SLC35F4: variants seen among roughly 807,000 people sequenced by gnomAD.
The protein encoded by SLC35F4 is chromosome 14 open reading frame 36.
A neutral mutation model predicts 44.2 loss-of-function variants in SLC35F4; 24 were observed. The observed-to-expected ratio is 0.54, with a 90% confidence interval of 0.39 to 0.76. The LOEUF is 0.76. Among genes scored for constraint, SLC35F4 ranks in the 30% least tolerant of loss-of-function variants. The pLI is 0.00. For synonymous variants in SLC35F4, 238 were observed against 223.6 expected, an observed-to-expected ratio of 1.06 and a Z score of -0.57; for missense variants, 562 against 586.1, an observed-to-expected ratio of 0.96 and a Z score of 0.42.
At chr14:57,605,773 T>G (rs992960120) in intron 1 of SLC35F4, among the ~76,000 whole-genome samples, 2 of 151,048 alleles carry the variant, frequency 1.3e-5, no homozygotes, top group Non-Finnish European at 2.9e-5. Flanking sequence ...TGGAATATTA[T>G]ACAGCCACAA....
chr14:57,782,881 A>C (rs1646458656), intron 1 of SLC35F4, among the ~76,000 whole-genome samples: 1 of 152,206 alleles, frequency 6.6e-6, no homozygotes, highest in Admixed American at 6.5e-5. Flanking sequence ...GACATTACAA[A>C]AATAAAGTTG....
chr14:57,662,899 C>A (rs578148455), intron 1 of SLC35F4, among the ~76,000 whole-genome samples: 1 of 152,254 alleles, frequency 6.6e-6, no homozygotes, highest in African/African-American at 2.4e-5. Flanking sequence ...TGAAAGGAGA[C>A]TGGAGGCAAA....
At chr14:57,567,852 A>G (rs1508945) in intron 6 of SLC35F4, among the ~76,000 whole-genome samples, 3 of 152,174 alleles carry the variant, frequency 2.0e-5, no homozygotes, top group East Asian at 1.9e-4. Context: ...ATTTGGGCTA[A>G]CACATTTCCT....
At chr14:57,616,200 T>C (rs1326347364) in intron 1 of SLC35F4, among the ~76,000 whole-genome samples, 1 of 152,212 alleles carries the variant, frequency 6.6e-6, no homozygotes, top group Non-Finnish European at 1.5e-5. Context: ...TGAAACTTCA[T>C]ACCTATTCTC....
At chr14:57,982,617 A>G (rs1293415895), upstream of SLC35F4, among the ~76,000 whole-genome samples, 2 of 152,164 alleles carry the variant, frequency 1.3e-5, no homozygotes, top group Admixed American at 1.3e-4. Context: ...TTGGGAATGG[A>G]AAGAACATGG....
chr14:57,726,427 A>C (rs983892248), intron 1 of SLC35F4, among the ~76,000 whole-genome samples: 6 of 152,212 alleles, frequency 3.9e-5, no homozygotes, highest in African/African-American at 1.4e-4. Context: ...AAGGACTGCA[A>C]TTGTCATTAA....
chr14:57,652,779 G>A (rs909509315), intron 1 of SLC35F4, among the ~76,000 whole-genome samples: 10 of 152,108 alleles, frequency 6.6e-5, no homozygotes, highest in African/African-American at 1.9e-4. Context: ...GAAAAATCCT[G>A]ACTTATGCTA....
At chr14:57,922,237 G>A (rs759063059) in intron 1 of SLC35F4, among the ~76,000 whole-genome samples, 1 of 152,154 alleles carries the variant, frequency 6.6e-6, no homozygotes, top group Non-Finnish European at 1.5e-5. Context: ...CACCCAGAGA[G>A]GTTATTAAAA....
chr14:57,972,823 T>C (rs17094058), downstream of SLC35F4, among the ~76,000 whole-genome samples: 51,624 of 152,098 alleles, frequency 0.34, 8,996 homozygotes, highest in African/African-American at 0.43. Flanking sequence ...GATGCTCTAG[T>C]CATATGGAAG....
intron 3 of SLC35F4, 122 bp from the exon 4 acceptor site, chr14:57,581,555 A>G: frequency 1.1e-6 from 1 of 872,938 alleles, no homozygotes; most frequent in Non-Finnish European, 1.8e-6. Context: ...TTCATTGTGA[A>G]GTATACTGAA....
At chr14:57,764,239 G>C (rs923093106) in intron 1 of SLC35F4, among the ~76,000 whole-genome samples, 2 of 152,048 alleles carry the variant, frequency 1.3e-5, no homozygotes, top group African/African-American at 4.8e-5. Flanking sequence ...AAGCTGTCAG[G>C]CTTTAAGATG....
At position 57,708,607 on chromosome 14, in the gene SLC35F4, T is replaced by G. The variant is rs1224401699; in HGVS notation, c.104-114483A>C. On this transcript the variant is annotated intron_variant, in intron 1 of 7. Transcript: ENST00000556826. ...AGATGAGAAACTTGTTGGGAACTTGTAGGGTACAGCCCCACAGAGTCGGTA... is the reference window on the plus strand; with the variant it reads ...AGATGAGAAACTTGTTGGGAACTTGGAGGGTACAGCCCCACAGAGTCGGTA... Among the ~76,000 whole-genome samples the G allele has an allele frequency of 5.9e-5, 9 of 152,140 alleles. No homozygotes were observed. In the South Asian group the frequency reaches 1.9e-3, roughly 32 times the overall value.
At chr14:57,593,624 A>C (rs566657962) in intron 2 of SLC35F4, among the ~76,000 whole-genome samples, 1 of 152,288 alleles carries the variant, frequency 6.6e-6, no homozygotes, top group South Asian at 2.1e-4. Context: ...GGCTGAGACA[A>C]AAGATGCAGG....
At chr14:57,638,966 T>G (rs2073118326) in intron 1 of SLC35F4, among the ~76,000 whole-genome samples, 1 of 152,062 alleles carries the variant, frequency 6.6e-6, no homozygotes, top group Admixed American at 6.6e-5. Context: ...TTACCTGAAG[T>G]CAAACATCTC....
chr14:57,729,817 G>A (rs1024185868), intron 1 of SLC35F4, among the ~76,000 whole-genome samples: 1 of 152,176 alleles, frequency 6.6e-6, no homozygotes, highest in Non-Finnish European at 1.5e-5. Context: ...AGCCTTTCAA[G>A]TTTACCTGGG....
chr14:57,584,112 GCTAT>G (rs1250068093), intron 3 of SLC35F4, among the ~76,000 whole-genome samples: 2 of 152,102 alleles, frequency 1.3e-5, no homozygotes, highest in Non-Finnish European at 2.9e-5. Flanking sequence ...CCAGTTTGAT[GCTAT>G]CTAAGATTTT....
At chr14:57,863,646 G>A (rs1887866073) in intron 1 of SLC35F4, among the ~76,000 whole-genome samples, 1 of 152,208 alleles carries the variant, frequency 6.6e-6, no homozygotes, top group Non-Finnish European at 1.5e-5. Flanking sequence ...ACTAGTTGAA[G>A]CCTGCATTAG....
chr14:57,619,286 G>A (rs1033036411), intron 1 of SLC35F4, among the ~76,000 whole-genome samples: 2 of 152,156 alleles, frequency 1.3e-5, no homozygotes, highest in Non-Finnish European at 2.9e-5. Context: ...CCTCATACAG[G>A]AGTGCTCTGG....
chr14:57,714,837 C>T (rs1048057532), intron 1 of SLC35F4, among the ~76,000 whole-genome samples: 6 of 152,306 alleles, frequency 3.9e-5, no homozygotes, highest in Admixed American at 1.3e-4. Context: ...GGTGGCTGAG[C>T]AGAAGGACAG....
Sources: allele counts gnomAD v4.1 joint callset (sites outside exome capture counted in the v4.1 genomes callset), GRCh38; gene constraint gnomAD v4.1.1; transcripts MANE v1.5; gene names NCBI Gene and HGNC (gene_info 2026-07-23, HGNC 2026-07-21).